Variants in PLCXD2 observed in about 807,000 individuals in gnomAD.
PLCXD2 encodes PI-PLC X domain-containing protein 2.
PLCXD2 carries 21 observed loss-of-function variants against 28.6 expected under a neutral mutation model. The ratio of observed to expected loss-of-function variants is 0.73; its 90% CI spans 0.52 to 1.06. The LOEUF is 1.06. PLCXD2 is among the 50% of genes least tolerant of loss of function. The pLI, the probability that PLCXD2 is intolerant of heterozygous loss-of-function variation, is 0.00. For missense variants in PLCXD2, 369 were observed against 376.7 expected, an observed-to-expected ratio of 0.98 and a Z score of 0.17; for synonymous variants, 140 against 150.1, an observed-to-expected ratio of 0.93 and a Z score of 0.49.
At chr3:111,704,257 A>G (rs562066719) in intron 1 of PLCXD2, among the ~76,000 whole-genome samples, 5 of 152,366 alleles carry the variant, frequency 3.3e-5, no homozygotes, top group Admixed American at 6.5e-5. Flanking sequence ...TTTTCCTTCT[A>G]GATTTTACTT....
At chr3:111,676,302 T>C (rs1363951746) in intron 1 of PLCXD2, among the ~76,000 whole-genome samples, 1 of 152,174 alleles carries the variant, frequency 6.6e-6, no homozygotes, top group Non-Finnish European at 1.5e-5. Flanking sequence ...CTCGGAGACA[T>C]AACAATTGAA....
chr3:111,685,460 ACAAT>A (rs1254893489), intron 1 of PLCXD2, among the ~76,000 whole-genome samples: 1 of 152,182 alleles, frequency 6.6e-6, no homozygotes, highest in Non-Finnish European at 1.5e-5. Context: ...TTGCTTTACC[ACAAT>A]CATCAAACAC....
At chr3:111,720,762 G>A (rs1187378205) in intron 3 of PLCXD2, 1 of 416,784 alleles carries the variant, frequency 2.4e-6, no homozygotes, top group Non-Finnish European at 4.4e-6. Flanking sequence ...AAACTCAGAA[G>A]CCTGGAGCCA....
intron 3 of PLCXD2, among the ~76,000 whole-genome samples, chr3:111,718,886 T>C (rs1429002159): frequency 1.3e-5 from 2 of 152,228 alleles, no homozygotes; most frequent in Non-Finnish European, 2.9e-5. Context: ...GCAGAAATTA[T>C]CACATTGAAT....
intron 3 of PLCXD2, among the ~76,000 whole-genome samples, chr3:111,718,317 T>C (rs957020207): frequency 1.3e-5 from 2 of 151,980 alleles, no homozygotes; most frequent in East Asian, 1.9e-4. Context: ...ACAAAGAAAT[T>C]AGCTGGGCGT....
intron 1 of PLCXD2, among the ~76,000 whole-genome samples, chr3:111,703,497 C>A (rs1941075570): frequency 6.6e-6 from 1 of 152,150 alleles, no homozygotes. Context: ...TCAACACCAA[C>A]AAGAGAACAC....
chr3:111,697,180 C>T (rs553942481), intron 1 of PLCXD2, among the ~76,000 whole-genome samples: 29 of 152,218 alleles, frequency 1.9e-4, no homozygotes, highest in African/African-American at 6.5e-4. Flanking sequence ...AAAATCCCAT[C>T]GTGTGAGCTA....
intron 1 of PLCXD2, among the ~76,000 whole-genome samples, chr3:111,705,226 T>C (rs1391172631): frequency 2.0e-5 from 3 of 152,164 alleles, no homozygotes; most frequent in Non-Finnish European, 4.4e-5. Context: ...ACTCCAAAAG[T>C]TTTTTGAGTT....
chr3:111,694,423 G>A (rs76562684), intron 1 of PLCXD2, among the ~76,000 whole-genome samples: 5,907 of 151,842 alleles, frequency 0.039, 179 homozygotes, highest in Middle Eastern at 0.075. Context: ...TTCTCTTATC[G>A]CATGTTCATT....
chr3:111,692,543 G>T (rs3817260), intron 1 of PLCXD2: 2 of 152,312 alleles, frequency 1.3e-5, no homozygotes, highest in East Asian at 1.9e-4. Flanking sequence ...ACACCTGGCA[G>T]TAAGGGTCCA....
intron 3 of PLCXD2, among the ~76,000 whole-genome samples, chr3:111,715,423 T>G (rs922180352): frequency 6.6e-6 from 1 of 152,182 alleles, no homozygotes; most frequent in African/African-American, 2.4e-5. Context: ...TTATACTGTC[T>G]GCTGTCAAGG....
At position 111,709,467 on chromosome 3, in the gene PLCXD2, TAC is replaced by T. The variant is rs10655649; in HGVS notation, c.624+1096_624+1097del. The stretch of plus-strand genomic sequence containing the variant: ...CTCTCTCCATATATGTGTGTGTATA[TAC>T]ACACACACACACACGCACACACACA... On this transcript the variant is annotated intron_variant, in intron 2 of 4. Transcript: ENST00000477665. Among the ~76,000 whole-genome samples, 312 of 150,468 alleles carry T rather than the reference TAC, an allele frequency of 2.1e-3. 3 individuals carry two copies. The highest frequency in any genetic ancestry group is 6.9e-3 in the Middle Eastern group (2 of 290).
At chr3:111,680,869 T>A (rs1179441764) in intron 1 of PLCXD2, among the ~76,000 whole-genome samples, 1 of 152,218 alleles carries the variant, frequency 6.6e-6, no homozygotes, top group Admixed American at 6.5e-5. Context: ...CATTTCTTAG[T>A]GTGAGAAATA....
intron 3 of PLCXD2, among the ~76,000 whole-genome samples, chr3:111,714,522 G>A (rs987988693): frequency 6.6e-6 from 1 of 152,160 alleles, no homozygotes; most frequent in African/African-American, 2.4e-5. Flanking sequence ...ATTCAGAGCT[G>A]GCCCTTCAAG....
intron 1 of PLCXD2, among the ~76,000 whole-genome samples, chr3:111,704,548 C>CA (rs374826379): frequency 2.3e-3 from 354 of 152,318 alleles, no homozygotes; most frequent in African/African-American, 8.1e-3. Context: ...TTCTTCCTCA[C>CA]ACCCCCTGCC....
chr3:111,701,759 T>C (rs1398165444), intron 1 of PLCXD2, among the ~76,000 whole-genome samples: 1 of 152,150 alleles, frequency 6.6e-6, no homozygotes, highest in Non-Finnish European at 1.5e-5. Context: ...ACAGGTTTGA[T>C]GTATGTTACA....
At chr3:111,692,544 T>C (rs1019758294) in intron 1 of PLCXD2, 17 of 152,226 alleles carry the variant, frequency 1.1e-4, no homozygotes, top group African/African-American at 3.6e-4. Context: ...CACCTGGCAG[T>C]AAGGGTCCAG....
chr3:111,693,279 A>G (rs910001470), intron 1 of PLCXD2, among the ~76,000 whole-genome samples: 1 of 152,210 alleles, frequency 6.6e-6, no homozygotes, highest in Admixed American at 6.5e-5. Flanking sequence ...CAAATGCAGC[A>G]CAAGGCTGAG....
At chr3:111,684,408 C>T (rs565724562) in intron 1 of PLCXD2, among the ~76,000 whole-genome samples, 5 of 151,158 alleles carry the variant, frequency 3.3e-5, no homozygotes, top group African/African-American at 1.2e-4. Flanking sequence ...AATACCAGCA[C>T]TTTGGAAAGC....
Sources: gnomAD v4.1 joint callset for allele counts (sites outside exome capture counted in the v4.1 genomes callset) on GRCh38, gnomAD v4.1.1 for gene constraint, MANE v1.5 for transcripts, NCBI Gene and HGNC (gene_info 2026-07-23, HGNC 2026-07-21) for gene names.